Variants in CNOT10 observed in about 807,000 individuals in gnomAD.
CNOT10 encodes CCR4-NOT transcription complex, subunit 10.
Under a neutral mutation model 94.6 loss-of-function variants are expected in CNOT10, and 30 were observed. The observed-to-expected ratio is 0.32, with a 90% confidence interval of 0.24 to 0.43. The LOEUF is 0.43. Ranked by LOEUF, CNOT10 falls within the 20% of genes least tolerant of loss-of-function variation. The probability of loss-of-function intolerance (pLI) is 1.00; values close to 1 mark genes in which losing one functional copy is unlikely to be tolerated. For missense variants in CNOT10, 759 were observed against 877.2 expected (o/e 0.87, Z 1.70); for synonymous variants, 289 against 301.6 (o/e 0.96, Z 0.43).
chr3:32,773,596 T>C lies in CNOT10; in HGVS notation c.2220T>C (p.Thr740=). The C allele has an allele frequency of 6.2e-7, 1 of 1,610,712 alleles. No individual in the cohort carries two copies. The highest frequency in any genetic ancestry group is 8.5e-7 in the Non-Finnish European group (1 of 1,179,128). The change falls in exon 19 of 19, where the codon ACT becomes ACC. Residue 740 remains threonine, a synonymous_variant. Coordinates refer to ENST00000328834, the MANE Select transcript of CNOT10 (RefSeq NM_015442.3). ...CCATCCAAATGCCGGCTTTCACCAC[T>C]GTGCAGAGAAAGTGATACTTCACTT... ...IQPIQMPAFT[T]VQRK is the part of the protein sequence containing the mutation.
chr3:32,737,229 C>T (rs1699228741), intron 12 of CNOT10, among the ~76,000 whole-genome samples, 181 bp from the exon 13 acceptor site: 1 of 151,790 alleles, frequency 6.6e-6, no homozygotes, highest in East Asian at 1.9e-4. Flanking sequence ...GCGGGAGAAT[C>T]ACTCAAACCT....
chr3:32,720,930 C>CCCTT (rs1367587502), intron 8 of CNOT10, among the ~76,000 whole-genome samples: 1 of 133,662 alleles, frequency 7.5e-6, no homozygotes, highest in Non-Finnish European at 1.6e-5. Context: ...TTCCTTCCTT[C>CCCTT]CTTCCCTTCT....
In CNOT10 at chr3:32,704,836, A is replaced by AACACCTTGCCTGTCT; in HGVS notation, c.147_161dup (p.His49_Leu53dup). On this transcript the variant is annotated inframe_insertion, in exon 3 of 19. Transcript: ENST00000328834. ...TCTGGAAATTATGATGCCTGTCTAC[A>AACACCTTGCCTGTCT]ACACCTTGCCTGTCTACAAGATATA... is the stretch of plus-strand genomic sequence containing the variant. 1 of 1,569,076 alleles carries AACACCTTGCCTGTCT rather than the reference A, an allele frequency of 6.4e-7. No homozygotes were observed. Among genetic ancestry groups the AACACCTTGCCTGTCT allele is most frequent in the Non-Finnish European group, 8.6e-7 (1 of 1,166,912 alleles).
Position 32,738,693 on chromosome 3 carries a change from ACGT to A in CNOT10, c.1595+1207_1595+1209del, listed in dbSNP as rs1255309999. ...TAGCCAGGATGGTCTCGATCTCCTG[ACGT>A]CGTGATCCACCCACCTCGGCCTCCC... On this transcript the variant is annotated intron_variant, in intron 13 of 18. Transcript: ENST00000328834. Among the ~76,000 whole-genome samples, 9 of 151,888 alleles carry A rather than the reference ACGT, an allele frequency of 5.9e-5. No individual in the cohort carries two copies. The East Asian group carries it at 1.7e-3, about 29-fold the overall frequency.
At chr3:32,740,685 A>G (rs1051743001) in intron 13 of CNOT10, among the ~76,000 whole-genome samples, 10 of 151,518 alleles carry the variant, frequency 6.6e-5, no homozygotes, top group African/African-American at 2.4e-4. Context: ...ACACGGTGAA[A>G]CCCTGTCTCT....
At chr3:32,703,802 C>A in intron 1 of CNOT10, 66 bp from the exon 2 acceptor site, 1 of 1,066,180 alleles carries the variant, frequency 9.4e-7, no homozygotes, top group Non-Finnish European at 1.4e-6. Context: ...GAAAGTGAAA[C>A]TGGATAAGGA....
At chr3:32,760,864 C>T (rs1424642810) in intron 14 of CNOT10, among the ~76,000 whole-genome samples, 1 of 151,732 alleles carries the variant, frequency 6.6e-6, no homozygotes, top group East Asian at 1.9e-4. Flanking sequence ...CGCTGTGGCT[C>T]ACACCTGTAA....
intron 1 of CNOT10, among the ~76,000 whole-genome samples, chr3:32,693,251 C>G (rs939903559): frequency 5.9e-5 from 9 of 151,860 alleles, no homozygotes; most frequent in African/African-American, 2.2e-4. Flanking sequence ...GGCTTTCACT[C>G]TGTTGCCCAG....
intron 13 of CNOT10, among the ~76,000 whole-genome samples, chr3:32,743,275 C>A (rs1699552582): frequency 1.3e-5 from 2 of 152,074 alleles, no homozygotes; most frequent in African/African-American, 2.4e-5. Context: ...GCATGAGCCA[C>A]CCACCCAGCT....
At chr3:32,699,873 A>G (rs912244083) in intron 1 of CNOT10, among the ~76,000 whole-genome samples, 1 of 152,062 alleles carries the variant, frequency 6.6e-6, no homozygotes, top group Non-Finnish European at 1.5e-5. Context: ...TGAGGGGTAA[A>G]CTTGGGGACA....
intron 12 of CNOT10, among the ~76,000 whole-genome samples, chr3:32,736,494 G>T (rs1037237116): frequency 6.6e-6 from 1 of 152,086 alleles, no homozygotes; most frequent in African/African-American, 2.4e-5. Flanking sequence ...GAAAATTTGG[G>T]CCAGGCATGG....
At chr3:32,762,193 G>C (rs1304549643) in intron 14 of CNOT10, among the ~76,000 whole-genome samples, 1 of 150,120 alleles carries the variant, frequency 6.7e-6, no homozygotes, top group Non-Finnish European at 1.5e-5. Flanking sequence ...GCTGGGCATG[G>C]TGGCTCACGC....
At chr3:32,699,904 T>A (rs748199605) in intron 1 of CNOT10, among the ~76,000 whole-genome samples, 1 of 152,038 alleles carries the variant, frequency 6.6e-6, no homozygotes, top group Non-Finnish European at 1.5e-5. Context: ...CTATTTCTCA[T>A]GTGGGTATTT....
Position 32,704,796 on chromosome 3 carries a change from GT to G in CNOT10, c.118-3del, listed in dbSNP as rs370142940. 28,980 of 1,017,826 alleles carry G rather than the reference GT, an allele frequency of 0.028. No homozygotes were observed. The highest frequency in any genetic ancestry group is 0.039 in the East Asian group (1,052 of 27,084). The allele number at this position is 1,017,826 out of a possible 1,614,324, so 63.0% of individuals were successfully genotyped here. On this transcript the variant is annotated splice_polypyrimidine_tract_variant and intron_variant, in intron 2 of 18. Transcript: ENST00000328834. ...ATGTAATTTTGTGTGTGTGTGTGTG[GT>G]TTTTTTTTTTTAGTCTGGAAATTAT...
chr3:32,756,210 G>C (rs1306247891), intron 13 of CNOT10, among the ~76,000 whole-genome samples: 1 of 152,102 alleles, frequency 6.6e-6, no homozygotes, highest in Non-Finnish European at 1.5e-5. Flanking sequence ...TTGAGTTTCG[G>C]GCAATGAAAC....
chr3:32,694,285 A>G (rs556595978), intron 1 of CNOT10, among the ~76,000 whole-genome samples: 1 of 152,250 alleles, frequency 6.6e-6, no homozygotes, highest in South Asian at 2.1e-4. Flanking sequence ...TGAAGATGTT[A>G]TGTTGAAGGT....
At chr3:32,707,874 G>A (rs754930270) in intron 3 of CNOT10, among the ~76,000 whole-genome samples, 4 of 152,072 alleles carry the variant, frequency 2.6e-5, no homozygotes, top group Non-Finnish European at 4.4e-5. Context: ...TCTGGCACAT[G>A]GTAAATAGTT....
intron 13 of CNOT10, among the ~76,000 whole-genome samples, chr3:32,738,698 G>A (rs908462318): frequency 5.9e-5 from 9 of 151,768 alleles, no homozygotes; most frequent in South Asian, 2.1e-4. Flanking sequence ...TCCTGACGTC[G>A]TGATCCACCC....
At chr3:32,761,207 A>C in intron 14 of CNOT10, among the ~76,000 whole-genome samples, 1 of 152,192 alleles carries the variant, frequency 6.6e-6, no homozygotes. Context: ...GCTCTTCTGC[A>C]AGAAAATCTT....
Sources: gnomAD v4.1 joint callset for allele counts (sites outside exome capture counted in the v4.1 genomes callset) on GRCh38, gnomAD v4.1.1 for gene constraint, MANE v1.5 for transcripts, NCBI Gene and HGNC (gene_info 2026-07-23, HGNC 2026-07-21) for gene names.